IQUB: variants seen among roughly 807,000 people sequenced by gnomAD.
IQUB encodes the protein IQ motif and ubiquitin domain containing.
In IQUB, 86 loss-of-function variants were observed where a neutral mutation model predicts 86.4. The observed-to-expected ratio is 1.00, with a 90% CI of 0.84 to 1.19. The LOEUF is 1.19. IQUB is among the 50% of genes most tolerant of loss of function. The probability of loss-of-function intolerance (pLI) is 0.00; values close to 1 mark genes in which losing one functional copy is unlikely to be tolerated. For missense variants in IQUB, 946 were observed against 916.9 expected, an observed-to-expected ratio of 1.03 and a Z score of -0.41; for synonymous variants, 289 against 304.5, an observed-to-expected ratio of 0.95 and a Z score of 0.53.
intron 1 of IQUB, among the ~76,000 whole-genome samples, chr7:123,522,696 G>A (rs1743937179): frequency 6.6e-6 from 1 of 151,864 alleles, no homozygotes; most frequent in African/African-American, 2.4e-5. Flanking sequence ...TATAAAGTAG[G>A]AGAAAAAAAT....
intron 1 of IQUB, among the ~76,000 whole-genome samples, chr7:123,522,964 T>A (rs1192684222): frequency 1.5e-4 from 22 of 149,884 alleles, no homozygotes; most frequent in Admixed American, 1.5e-3. Flanking sequence ...TTTGGTTTTT[T>A]GTTCTTGCGA....
chr7:123,493,119 T>C (rs1795545729), intron 7 of IQUB, among the ~76,000 whole-genome samples: 1 of 152,182 alleles, frequency 6.6e-6, no homozygotes, highest in African/African-American at 2.4e-5. Flanking sequence ...TAGGTTTCTT[T>C]GTTTGGACTC....
intron 1 of IQUB, among the ~76,000 whole-genome samples, chr7:123,533,119 G>A (rs1352021349): frequency 6.6e-6 from 1 of 152,236 alleles, no homozygotes; most frequent in Non-Finnish European, 1.5e-5. Context: ...GTCCGCCGGA[G>A]CAGAGGGGAG....
At chr7:123,455,992 T>C (rs974758415) in intron 12 of IQUB, among the ~76,000 whole-genome samples, 2 of 152,116 alleles carry the variant, frequency 1.3e-5, no homozygotes, top group Admixed American at 6.6e-5. Context: ...CAAATATCTC[T>C]GAACATTAAG....
Position 123,503,372 on chromosome 7 carries a change from T to G in IQUB, c.533-9A>C. ...ATTTTTAAGAATTTTTCCTAAAAAT[T>G]GAAATAAAATTTTTAAAAGTTTTAT... is the stretch of plus-strand genomic sequence containing the variant. On this transcript the variant is annotated splice_polypyrimidine_tract_variant and intron_variant, in intron 3 of 12. Transcript: ENST00000324698. 2 of 1,431,390 alleles carry G rather than the reference T, an allele frequency of 1.4e-6. No individual in the cohort carries two copies. Among genetic ancestry groups the G allele is most frequent in the East Asian group, 4.6e-5 (2 of 43,262 alleles). The allele number at this position is 1,431,390 out of a possible 1,614,324, so 88.7% of individuals were successfully genotyped here.
intron 1 of IQUB, among the ~76,000 whole-genome samples, chr7:123,524,912 T>C (rs1203961150): frequency 6.7e-6 from 1 of 150,142 alleles, no homozygotes; most frequent in African/African-American, 2.4e-5. Flanking sequence ...TAGCATGAAG[T>C]GTTGTTGAAT....
intron 1 of IQUB, among the ~76,000 whole-genome samples, chr7:123,517,354 AC>A (rs1434696937): frequency 4.0e-5 from 6 of 151,604 alleles, no homozygotes; most frequent in Admixed American, 1.3e-4. Context: ...ACACGGTGAA[AC>A]CCCGCTCTAC....
At chr7:123,483,780 T>G (rs2117096379) in intron 7 of IQUB, among the ~76,000 whole-genome samples, 1 of 152,206 alleles carries the variant, frequency 6.6e-6, no homozygotes, top group East Asian at 1.9e-4. Context: ...TCTTGGCAGA[T>G]TACTTACCCT....
Position 123,479,783 on chromosome 7 carries a change from C to T in IQUB, c.1410+12G>A, listed in dbSNP as rs948199076. The T allele has an allele frequency of 3.5e-5, 55 of 1,591,260 alleles. No individual in the cohort carries two copies. Among genetic ancestry groups the T allele is most frequent in the Non-Finnish European group, 4.5e-5 (53 of 1,165,192 alleles). Reference sequence around the variant, plus strand: ...AATACATTCATATTTAAATAGTAGTCACTTCACTAACCTTATCCAAAAAAG... The same window carrying T: ...AATACATTCATATTTAAATAGTAGTTACTTCACTAACCTTATCCAAAAAAG... On this transcript the variant is annotated intron_variant, in intron 8 of 12. Coordinates refer to ENST00000324698, the MANE Select transcript of IQUB (RefSeq NM_178827.5).
At chr7:123,492,113 C>T (rs1795498475) in intron 7 of IQUB, among the ~76,000 whole-genome samples, 1 of 152,174 alleles carries the variant, frequency 6.6e-6, no homozygotes. Context: ...AGGAAACAAA[C>T]CATCCCCAGA....
At chr7:123,486,649 A>G (rs1795222934) in intron 7 of IQUB, among the ~76,000 whole-genome samples, 1 of 152,216 alleles carries the variant, frequency 6.6e-6, no homozygotes, top group Admixed American at 6.5e-5. Context: ...AATCCTTTTT[A>G]TAATTAACAC....
At position 123,509,804 on chromosome 7, in the gene IQUB, A is replaced by G. The variant is rs564900259; in HGVS notation, c.532+97T>C. 62 of 1,011,372 alleles carry G rather than the reference A, an allele frequency of 6.1e-5. No homozygotes were observed. In the African/African-American group the frequency reaches 9.5e-4, roughly 15 times the overall value. 62.6% of individuals were successfully genotyped at this position (1,011,372 alleles called of 1,614,324 possible). A position where few individuals can be genotyped will look rare whatever the true frequency, so the allele number is the denominator to read the frequency against. On this transcript the variant is annotated intron_variant, in intron 3 of 12. Transcript: ENST00000324698. Reference sequence around the variant, plus strand: ...CATAACCACAATATAATGTTCAATTAGTACCAAGATATTTAGTTTTTAAAA... The same window carrying G: ...CATAACCACAATATAATGTTCAATTGGTACCAAGATATTTAGTTTTTAAAA...
chr7:123,490,691 G>T (rs1795418190), intron 7 of IQUB, among the ~76,000 whole-genome samples: 1 of 152,178 alleles, frequency 6.6e-6, no homozygotes, highest in Non-Finnish European at 1.5e-5. Flanking sequence ...TTGGCCGGGT[G>T]CATTGGCTCA....
rs555670465 is a variant in IQUB at position 123,468,165 on chromosome 7, G to C, written c.1581+1049C>G. Among the ~76,000 whole-genome samples the C allele has an allele frequency of 7.9e-5, 12 of 152,262 alleles. No homozygotes were observed. In the South Asian group the frequency reaches 2.5e-3, roughly 32 times the overall value. On this transcript the variant is annotated intron_variant, in intron 9 of 12. Transcript: ENST00000324698. ...GACTGAGAAAAGCATAGTGACCTGT[G>C]GTTCAGACCTCTCAAGATGCAAGTC...
At chr7:123,472,485 G>A (rs1205876859) in intron 8 of IQUB, among the ~76,000 whole-genome samples, 1 of 152,144 alleles carries the variant, frequency 6.6e-6, no homozygotes, top group Non-Finnish European at 1.5e-5. Flanking sequence ...TAGAAAAAAA[G>A]ATGAGTACGC....
chr7:123,462,793 G>T (rs759181821), intron 10 of IQUB: 35 of 454,428 alleles, frequency 7.7e-5, no homozygotes, highest in South Asian at 5.3e-4. Context: ...TATAGATGGA[G>T]CATTTACTAT....
intron 8 of IQUB, among the ~76,000 whole-genome samples, chr7:123,479,131 G>A (rs1312696187): frequency 6.6e-6 from 1 of 152,110 alleles, no homozygotes; most frequent in Non-Finnish European, 1.5e-5. Context: ...TAACATCTTA[G>A]AGAAATGCAC....
chr7:123,513,586 C>T (rs1334101341), intron 1 of IQUB, among the ~76,000 whole-genome samples: 1 of 152,136 alleles, frequency 6.6e-6, no homozygotes, highest in Non-Finnish European at 1.5e-5. Context: ...TCTGAACTAA[C>T]ATATGTCAAA....
chr7:123,523,460 T>C (rs1461061927), intron 1 of IQUB, among the ~76,000 whole-genome samples: 1 of 152,114 alleles, frequency 6.6e-6, no homozygotes, highest in Non-Finnish European at 1.5e-5. Flanking sequence ...CCAGTGATGT[T>C]GAGCATTTTT....
Sources: gnomAD v4.1 joint callset for allele counts (sites outside exome capture counted in the v4.1 genomes callset) on GRCh38, gnomAD v4.1.1 for gene constraint, MANE v1.5 for transcripts, NCBI Gene and HGNC (gene_info 2026-07-23, HGNC 2026-07-21) for gene names.